The following TMEM106B variants were observed in gnomAD, a reference collection of about 807,000 sequenced individuals.
TMEM106B encodes transmembrane protein 106B.
TMEM106B carries 15 observed loss-of-function variants against 31.1 expected under a neutral mutation model. The observed-to-expected ratio is 0.48, with a 90% confidence interval of 0.32 to 0.74. TMEM106B has a LOEUF of 0.74. TMEM106B is among the 30% of genes least tolerant of loss of function. The probability of loss-of-function intolerance (pLI) is 0.03; values close to 1 mark genes in which losing one functional copy is unlikely to be tolerated. For synonymous variants in TMEM106B, 126 were observed against 112.5 expected (o/e 1.12, Z -0.76); for missense variants, 283 against 327.3 (o/e 0.86, Z 1.04).
intron 3 of TMEM106B, among the ~76,000 whole-genome samples, chr7:12,221,713 C>T (rs1386252617): frequency 6.6e-6 from 1 of 152,174 alleles, no homozygotes; most frequent in Non-Finnish European, 1.5e-5. Context: ...AAGGAACCAA[C>T]CCAGGCAGAG....
intron 2 of TMEM106B, among the ~76,000 whole-genome samples, chr7:12,216,799 G>A (rs948191387): frequency 6.6e-6 from 1 of 152,154 alleles, no homozygotes; most frequent in African/African-American, 2.4e-5. Flanking sequence ...GCTACTGATA[G>A]ATTGGGTAGT....
In TMEM106B at chr7:12,238,758, A is replaced by C. The variant is rs1179499606; in HGVS notation, c.*6783A>C. On this transcript the variant is annotated 3_prime_UTR_variant, in exon 8 of 8. Coordinates refer to ENST00000396668, the MANE Select transcript of TMEM106B (RefSeq NM_001134232.2). The stretch of plus-strand genomic sequence containing the variant: ...CAATGAGTAGTAATACTTTGAAAGG[A>C]ATTTTTTTTTCCAAGCAGGTCTCAA... The C allele has an allele frequency of 2.6e-5, 4 of 151,814 alleles. No individual in the cohort carries two copies. The highest frequency in any genetic ancestry group is 9.7e-5 in the African/African-American group (4 of 41,406). 9.4% of individuals were successfully genotyped at this position (151,814 alleles called of 1,614,324 possible). A position where few individuals can be genotyped will look rare whatever the true frequency, so the allele number is the denominator to read the frequency against.
chr7:12,234,917 T>A lies in TMEM106B; in HGVS notation c.*2942T>A, dbSNP rs1261321294. 1.3e-5 allele frequency: 2 copies of A among 151,870 alleles called. No individual in the cohort carries two copies. Among genetic ancestry groups the A allele is most frequent in the African/African-American group, 4.8e-5 (2 of 41,412 alleles). 9.4% of individuals were successfully genotyped at this position (151,870 alleles called of 1,614,324 possible). ...GGCATGAAGAAGTTGAGGGACTGGCTGAAGATCACGTACTTACTAAGTAGT... is the reference window on the plus strand; with the variant it reads ...GGCATGAAGAAGTTGAGGGACTGGCAGAAGATCACGTACTTACTAAGTAGT... On this transcript the variant is annotated 3_prime_UTR_variant, in exon 8 of 8. Coordinates refer to ENST00000396668, the MANE Select transcript of TMEM106B (RefSeq NM_001134232.2).
chr7:12,214,532 T>TA, intron 1 of TMEM106B: 1 of 375,592 alleles, frequency 2.7e-6, no homozygotes, highest in Non-Finnish European at 4.9e-6. Flanking sequence ...ATGTATACCT[T>TA]ACATCTATTG....
chr7:12,223,721 C>CTTT (rs1781834182), intron 3 of TMEM106B, among the ~76,000 whole-genome samples: 3 of 135,530 alleles, frequency 2.2e-5, no homozygotes, highest in African/African-American at 8.4e-5. Context: ...AAATGTGATT[C>CTTT]CTTTTTTTTT....
chr7:12,215,952 G>T (rs1341862592), intron 2 of TMEM106B: 1 of 153,070 alleles, frequency 6.5e-6, no homozygotes, highest in Non-Finnish European at 1.5e-5. Flanking sequence ...ACTTTATGCT[G>T]TTCTCATTAT....
In TMEM106B at chr7:12,241,733, G is replaced by A. The variant is rs948982107; in HGVS notation, c.*9758G>A. The A allele has an allele frequency of 6.6e-6, 1 of 152,146 alleles. No individual in the cohort carries two copies. The highest frequency in any genetic ancestry group is 2.4e-5 in the African/African-American group (1 of 41,426). 9.4% of individuals were successfully genotyped at this position (152,146 alleles called of 1,614,324 possible). A position where few individuals can be genotyped will look rare whatever the true frequency, so the allele number is the denominator to read the frequency against. ...ACATATGTGTGTATGTGTCTTTACA[G>A]TAAAATGATTTATAATCTTTTGGGT... On this transcript the variant is annotated 3_prime_UTR_variant, in exon 8 of 8. Coordinates refer to ENST00000396668, the MANE Select transcript of TMEM106B (RefSeq NM_001134232.2).
chr7:12,231,796 T>C, intron 7 of TMEM106B, 41 bp from the exon 8 acceptor site: 1 of 1,516,570 alleles, frequency 6.6e-7, no homozygotes, highest in Non-Finnish European at 9.0e-7. Context: ...AAACTTCTAA[T>C]ATAACTATTA....
At position 12,215,038 on chromosome 7, in the gene TMEM106B, T is replaced by G; in HGVS notation, c.217+11T>G. The stretch of plus-strand genomic sequence containing the variant: ...GAAGAATTCCTAGGGGTATGTGTTA[T>G]TGTATTGTTTTCCCTTTAAATGATT... On this transcript the variant is annotated intron_variant, in intron 2 of 7. Coordinates refer to ENST00000396668, the MANE Select transcript of TMEM106B (RefSeq NM_001134232.2). The G allele has an allele frequency of 6.2e-7, 1 of 1,601,624 alleles. No individual in the cohort carries two copies. Among genetic ancestry groups the G allele is most frequent in the Non-Finnish European group, 8.5e-7 (1 of 1,173,276 alleles).
rs1214624056 is a variant in TMEM106B, at chr7:12,238,602, T to C, written c.*6627T>C. The C allele has an allele frequency of 1.3e-5, 2 of 152,170 alleles. No homozygotes were observed. The highest frequency in any genetic ancestry group is 2.9e-5 in the Non-Finnish European group (2 of 68,022). The allele number at this position is 152,170 out of a possible 1,614,324, so 9.4% of individuals were successfully genotyped here. A position where few individuals can be genotyped will look rare whatever the true frequency, so the allele number is the denominator to read the frequency against. On this transcript the variant is annotated 3_prime_UTR_variant, in exon 8 of 8. Transcript: ENST00000396668. Reference sequence around the variant, plus strand: ...ATGGTCTTACAAAATGTATTTCTTATATAGTAAGATTCAAAAGTCAAATTT... The same window carrying C: ...ATGGTCTTACAAAATGTATTTCTTACATAGTAAGATTCAAAAGTCAAATTT...
chr7:12,214,815 G>C lies in TMEM106B; in HGVS notation c.5G>C (p.Gly2Ala), dbSNP rs765967370. Residue 2 changes from glycine to alanine, a missense_variant, in exon 2 of 8, where the codon GGA becomes GCA. Around this residue, in one of 3 missense-constraint regions of TMEM106B, gnomAD observed 77 missense variants for 89.4 expected, o/e 0.86. Transcript: ENST00000396668. Reference protein sequence around the residue: MGKSLSHLPLHS... With the variant: MAKSLSHLPLHS... ...GATTTTTATTTTTCTTTAGACATGG[G>C]AAAGTCTCTTTCTCATTTGCCTTTG... 2 of 1,608,042 alleles carry C rather than the reference G, an allele frequency of 1.2e-6. No homozygotes were observed. Among genetic ancestry groups the C allele is most frequent in the South Asian group, 1.1e-5 (1 of 89,890 alleles).
At position 12,236,951 on chromosome 7, in the gene TMEM106B, T is replaced by C. The variant is rs1371175907; in HGVS notation, c.*4976T>C. 4 of 152,182 alleles carry C rather than the reference T, an allele frequency of 2.6e-5. 1 individual carries two copies. In the South Asian group the frequency reaches 6.2e-4, roughly 24 times the overall value. The allele number at this position is 152,182 out of a possible 1,614,324, so 9.4% of individuals were successfully genotyped here. On this transcript the variant is annotated 3_prime_UTR_variant, in exon 8 of 8. Transcript: ENST00000396668. ...TATTTGAATGATGGTATTACCTAGA[T>C]TCTAATCCTTGATTCTAGTTATATA...
At position 12,239,460 on chromosome 7, in the gene TMEM106B, A is replaced by C. The variant is rs1172481896; in HGVS notation, c.*7485A>C. The C allele has an allele frequency of 6.6e-6, 1 of 152,108 alleles. No individual in the cohort carries two copies. The highest frequency in any genetic ancestry group is 1.5e-5 in the Non-Finnish European group (1 of 68,022). The allele number at this position is 152,108 out of a possible 1,614,324, so 9.4% of individuals were successfully genotyped here. On this transcript the variant is annotated 3_prime_UTR_variant, in exon 8 of 8. Coordinates refer to ENST00000396668, the MANE Select transcript of TMEM106B (RefSeq NM_001134232.2). ...TTACAGTAAGGAAATAGCACTTTTA[A>C]TTTCCTTCAAGAACTTTTCCTTTGC...
At chr7:12,216,874 G>A (rs896905315) in intron 2 of TMEM106B, among the ~76,000 whole-genome samples, 2 of 152,100 alleles carry the variant, frequency 1.3e-5, no homozygotes, top group African/African-American at 4.8e-5. Flanking sequence ...TTAAAAGAGC[G>A]GTTTTGGTAA....
chr7:12,230,129 G>A (rs1464060691), intron 5 of TMEM106B, among the ~76,000 whole-genome samples: 1 of 151,882 alleles, frequency 6.6e-6, no homozygotes, highest in Non-Finnish European at 1.5e-5. Context: ...GAGGTGGGAG[G>A]ATCACTGGAG....
In TMEM106B at chr7:12,240,114, C is replaced by T. The variant is rs1027277765; in HGVS notation, c.*8139C>T. ...GAACCTTTCATTAGCTGGCTACAAT[C>T]TCAGTTCACAATCATTTCTTATTGC... On this transcript the variant is annotated 3_prime_UTR_variant, in exon 8 of 8. Coordinates refer to ENST00000396668, the MANE Select transcript of TMEM106B (RefSeq NM_001134232.2). 2 of 152,158 alleles carry T rather than the reference C, an allele frequency of 1.3e-5. No homozygotes were observed. Among genetic ancestry groups the T allele is most frequent in the Non-Finnish European group, 2.9e-5 (2 of 68,020 alleles). 9.4% of individuals were successfully genotyped at this position (152,158 alleles called of 1,614,324 possible). A position where few individuals can be genotyped will look rare whatever the true frequency, so the allele number is the denominator to read the frequency against.
rs554087132 is a variant in TMEM106B, at chr7:12,231,734, T to C, written c.687-103T>C. 4.6e-5 allele frequency: 42 copies of C among 916,644 alleles called. No individual in the cohort carries two copies. The African/African-American group carries it at 6.9e-4, about 15-fold the overall frequency. The allele number at this position is 916,644 out of a possible 1,614,324, so 56.8% of individuals were successfully genotyped here. Reference sequence around the variant, plus strand: ...CAATATTAAGTTATCATTAATCAAATATTCTCTTCTGGGAGATAATTTTTA... The same window carrying C: ...CAATATTAAGTTATCATTAATCAAACATTCTCTTCTGGGAGATAATTTTTA... On this transcript the variant is annotated intron_variant, in intron 7 of 7. Coordinates refer to ENST00000396668, the MANE Select transcript of TMEM106B (RefSeq NM_001134232.2).
At chr7:12,218,427 T>A in intron 2 of TMEM106B, 31 bp from the exon 3 acceptor site, 1 of 1,586,176 alleles carries the variant, frequency 6.3e-7, no homozygotes, top group East Asian at 2.2e-5. Flanking sequence ...CTAATCATAG[T>A]AATTTCTGAA....
intron 1 of TMEM106B, among the ~76,000 whole-genome samples, chr7:12,212,519 T>A (rs1292303302): frequency 6.6e-6 from 1 of 151,378 alleles, no homozygotes; most frequent in Non-Finnish European, 1.5e-5. Context: ...AGAGTGAAAA[T>A]CTCATTTTAC....
Sources: allele counts gnomAD v4.1 joint callset (sites outside exome capture counted in the v4.1 genomes callset), GRCh38; gene constraint gnomAD v4.1.1; regional missense constraint gnomAD v4.1.1; transcripts MANE v1.5; gene names NCBI Gene and HGNC (gene_info 2026-07-23, HGNC 2026-07-21).